PAK3: variants seen among roughly 807,000 people sequenced by gnomAD.
PAK3 encodes the protein p21 (RAC1) activated kinase 3.
A neutral mutation model predicts 41.0 loss-of-function variants in PAK3; 4 were observed. The observed-to-expected ratio is 0.10, with a 90% CI of 0.05 to 0.22. The LOEUF is 0.22. PAK3 is among the 10% of genes least tolerant of loss of function. The pLI is 1.00. For synonymous variants in PAK3, 146 were observed against 139.6 expected, an observed-to-expected ratio of 1.05 and a Z score of -0.32; for missense variants, 205 against 409.9, an observed-to-expected ratio of 0.50 and a Z score of 4.32.
intron 1 of PAK3, among the ~76,000 whole-genome samples, chrX:111,014,329 T>C (rs2092056462): frequency 8.9e-6 from 1 of 111,948 alleles, no homozygotes; most frequent in Non-Finnish European, 1.9e-5. Context: ...AGCACCTTTT[T>C]TTTCAAGTAA....
At chrX:111,140,662 A>T (rs906759315) in intron 5 of PAK3, among the ~76,000 whole-genome samples, 4 of 111,389 alleles carry the variant, frequency 3.6e-5, no homozygotes, top group African/African-American at 1.3e-4. Flanking sequence ...ATTTTTTCAA[A>T]ATGAATCCTA....
chrX:111,135,155 A>G (rs2093771229), intron 5 of PAK3, among the ~76,000 whole-genome samples: 1 of 111,051 alleles, frequency 9.0e-6, no homozygotes, highest in African/African-American at 3.3e-5. Context: ...AAGGGCCACT[A>G]ATAGCAATAA....
intron 1 of PAK3, among the ~76,000 whole-genome samples, chrX:111,068,499 G>A (rs113340095): frequency 0.021 from 2,324 of 111,717 alleles, 66 homozygotes; most frequent in African/African-American, 0.071. Flanking sequence ...ACTGGTTTTT[G>A]CCATGTTGCT....
At chrX:111,012,388 G>A (rs765635686) in intron 1 of PAK3, among the ~76,000 whole-genome samples, 1 of 111,723 alleles carries the variant, frequency 9.0e-6, no homozygotes, top group East Asian at 2.8e-4. Context: ...AGAAATGGTG[G>A]GTTGTAATTT....
chrX:110,965,574 G>C (rs925463593), intron 1 of PAK3, among the ~76,000 whole-genome samples: 2 of 112,387 alleles, frequency 1.8e-5, no homozygotes, highest in African/African-American at 6.5e-5. Flanking sequence ...ACCAGCTCCA[G>C]GGTGAGGCAG....
chrX:111,199,418 G>GC (rs2094653371), intron 16 of PAK3, among the ~76,000 whole-genome samples: 1 of 111,168 alleles, frequency 9.0e-6, no homozygotes. Flanking sequence ...CCTTAGTATA[G>GC]CTTTCTAATG....
intron 1 of PAK3, among the ~76,000 whole-genome samples, chrX:111,027,365 G>A (rs2092285561): frequency 8.9e-6 from 1 of 111,990 alleles, no homozygotes; most frequent in African/African-American, 3.2e-5. Flanking sequence ...TAAATAATCA[G>A]CAGAGTTAAC....
chrX:111,134,809 A>G (rs1435234864), intron 5 of PAK3, among the ~76,000 whole-genome samples: 1 of 111,361 alleles, frequency 9.0e-6, no homozygotes, highest in Non-Finnish European at 1.9e-5. Flanking sequence ...TAGAAAGACC[A>G]TCATTTTGAA....
Position 111,054,815 on chromosome X carries a change from C to T in PAK3, c.-27-68262C>T, listed in dbSNP as rs1223733328. Among the ~76,000 whole-genome samples, 8 of 111,645 alleles carry T rather than the reference C, an allele frequency of 7.2e-5. No homozygotes were observed. In the Admixed American group the frequency reaches 7.6e-4, roughly 11 times the overall value. On this transcript the variant is annotated intron_variant, in intron 1 of 14. Transcript: ENST00000425146. ...CCTGCCTCCACCATCACCTCAGCTG[C>T]ACTAGACTCTCCCTAAGGATCTCCG...
Position 111,221,159 on chromosome X carries a change from A to G in PAK3, c.*712A>G, listed in dbSNP as rs1366833302. 2 of 111,876 alleles carry G rather than the reference A, an allele frequency of 1.8e-5. No homozygotes were observed. The highest frequency in any genetic ancestry group is 3.8e-5 in the Non-Finnish European group (2 of 53,167). The allele number at this position is 111,876 out of a possible 1,213,427, so 9.2% of individuals were successfully genotyped here. ...CTTTTAAGACATTTTCCAAAAGTGG[A>G]GAGGAATATGTGTGTTCAGGAAGGG... On this transcript the variant is annotated 3_prime_UTR_variant, in exon 18 of 18. Transcript: ENST00000372007.
chrX:110,948,859 T>C (rs766304489), intron 1 of PAK3, among the ~76,000 whole-genome samples: 2 of 112,638 alleles, frequency 1.8e-5, no homozygotes, highest in South Asian at 3.7e-4. Context: ...TGTGTGATGC[T>C]GTAAAGCCAG....
At chrX:111,133,457 G>T (rs1471421578) in intron 5 of PAK3, among the ~76,000 whole-genome samples, 1 of 111,763 alleles carries the variant, frequency 8.9e-6, no homozygotes, top group Admixed American at 9.5e-5. Context: ...AATTTTCTTT[G>T]GTAGTTTCTG....
intron 10 of PAK3, among the ~76,000 whole-genome samples, chrX:111,164,303 TA>T (rs202010910): frequency 6.4e-5 from 7 of 108,887 alleles, no homozygotes; most frequent in African/African-American, 1.0e-4. Context: ...GTCAAGAAGA[TA>T]AAAAAAAATG....
intron 1 of PAK3, among the ~76,000 whole-genome samples, chrX:111,042,615 C>T (rs1056728323): frequency 9.0e-6 from 1 of 111,530 alleles, no homozygotes; most frequent in East Asian, 2.8e-4. Context: ...AATCCACATG[C>T]GGCAACCACA....
rs1207928615 is a variant in PAK3, at chrX:111,118,137, A to G, written c.-27-4940A>G. Among the ~76,000 whole-genome samples, 6 of 112,189 alleles carry G rather than the reference A, an allele frequency of 5.3e-5. No individual in the cohort carries two copies. In the Admixed American group the frequency reaches 5.7e-4, roughly 11 times the overall value. On this transcript the variant is annotated intron_variant, in intron 4 of 17. Transcript: ENST00000372007. ...ACGTATAATATTTCTTTCAAATCCT[A>G]AGACATTGTCTCCTTTGTGGAAGGC...
At chrX:111,027,200 TGA>T (rs2092283073) in intron 1 of PAK3, among the ~76,000 whole-genome samples, 1 of 88,590 alleles carries the variant, frequency 1.1e-5, no homozygotes, top group Admixed American at 1.4e-4. Flanking sequence ...CCTGAAACCA[TGA>T]AGATTCTAGA....
At chrX:111,162,264 G>A (rs765971948) in intron 8 of PAK3, among the ~76,000 whole-genome samples, 17 of 111,735 alleles carry the variant, frequency 1.5e-4, no homozygotes, top group Non-Finnish European at 2.6e-4. Context: ...CCACAATACT[G>A]TCGTATTATT....
Position 111,222,641 on chromosome X carries a change from T to A in PAK3, c.*2194T>A, listed in dbSNP as rs1476361269. ...CATAGTGCCGGGAAATTCAATGAAA[T>A]CCTGGGATGCAAATAAAAATCAGTA... On this transcript the variant is annotated 3_prime_UTR_variant, in exon 18 of 18. Coordinates refer to ENST00000372007, the MANE Select transcript of PAK3 (RefSeq NM_002578.5). 1.8e-5 allele frequency: 2 copies of A among 111,963 alleles called. No individual in the cohort carries two copies. The highest frequency in any genetic ancestry group is 3.8e-5 in the Non-Finnish European group (2 of 53,168). The allele number at this position is 111,963 out of a possible 1,213,427, so 9.2% of individuals were successfully genotyped here.
intron 3 of PAK3, among the ~76,000 whole-genome samples, chrX:111,099,333 G>A (rs1053632982): frequency 3.6e-5 from 4 of 111,896 alleles, no homozygotes; most frequent in African/African-American, 1.3e-4. Flanking sequence ...TCCACATTTG[G>A]TCAGTTATCT....
Sources: allele counts gnomAD v4.1 joint callset (sites outside exome capture counted in the v4.1 genomes callset), GRCh38; gene constraint gnomAD v4.1.1; transcripts MANE v1.5; gene names NCBI Gene and HGNC (gene_info 2026-07-23, HGNC 2026-07-21).